Variants in CYB5B observed in about 807,000 individuals in gnomAD.
CYB5B encodes cytochrome b5 type B, also known as cytochrome b5 type B (outer mitochondrial membrane).
In CYB5B, 14 loss-of-function variants were observed where a neutral mutation model predicts 21.3. The ratio of observed to expected loss-of-function variants is 0.66; its 90% CI spans 0.43 to 1.03. The LOEUF (loss-of-function observed/expected upper bound fraction) is 1.03. CYB5B is among the 50% of genes least tolerant of loss of function. The probability of loss-of-function intolerance (pLI) is 0.00; values close to 1 mark genes in which losing one functional copy is unlikely to be tolerated. For synonymous variants in CYB5B, 69 were observed against 68.4 expected, an observed-to-expected ratio of 1.01 and a Z score of -0.04; for missense variants, 166 against 185.1, an observed-to-expected ratio of 0.90 and a Z score of 0.60.
At chr16:69,434,571 T>C (rs534227925) in intron 1 of CYB5B, among the ~76,000 whole-genome samples, 1 of 152,272 alleles carries the variant, frequency 6.6e-6, no homozygotes, top group East Asian at 1.9e-4. Context: ...ACCATTCTAA[T>C]GGGTGTGTGG....
intron 1 of CYB5B, among the ~76,000 whole-genome samples, chr16:69,433,125 A>G (rs540722913): frequency 1.3e-5 from 2 of 152,262 alleles, no homozygotes; most frequent in East Asian, 3.9e-4. Context: ...ACCGTACCCT[A>G]GGATCTGCCT....
intron 4 of CYB5B, among the ~76,000 whole-genome samples, chr16:69,460,047 G>A (rs1270649302): frequency 2.0e-5 from 3 of 151,966 alleles, no homozygotes; most frequent in Non-Finnish European, 4.4e-5. Context: ...TCAGGAGTTC[G>A]AGACCAGCCT....
chr16:69,434,128 A>T (rs1208145168), intron 1 of CYB5B, among the ~76,000 whole-genome samples: 1 of 152,202 alleles, frequency 6.6e-6, no homozygotes, highest in Non-Finnish European at 1.5e-5. Context: ...TATTTCTAAC[A>T]CTATAGTACG....
chr16:69,434,603 C>T (rs577309247), intron 1 of CYB5B, among the ~76,000 whole-genome samples: 7 of 152,194 alleles, frequency 4.6e-5, no homozygotes, highest in South Asian at 4.2e-4. Context: ...CTGTGGCTCA[C>T]GCCTGTAATC....
chr16:69,431,482 C>G (rs2014705724), intron 1 of CYB5B, among the ~76,000 whole-genome samples: 1 of 151,512 alleles, frequency 6.6e-6, no homozygotes, highest in African/African-American at 2.4e-5. Context: ...GTCTTAAAAA[C>G]AAAACAAAGC....
intron 1 of CYB5B, among the ~76,000 whole-genome samples, chr16:69,434,192 T>C (rs909733213): frequency 4.6e-5 from 7 of 152,232 alleles, no homozygotes; most frequent in Non-Finnish European, 8.8e-5. Flanking sequence ...TCATCTATTT[T>C]TTCTGTGTTA....
intron 1 of CYB5B, among the ~76,000 whole-genome samples, chr16:69,434,263 A>C (rs2014736294): frequency 6.6e-6 from 1 of 152,086 alleles, no homozygotes; most frequent in South Asian, 2.1e-4. Flanking sequence ...TTATCCATTC[A>C]CTTGTTGATT....
At chr16:69,426,968 A>G (rs1322624094) in intron 1 of CYB5B, among the ~76,000 whole-genome samples, 1 of 151,834 alleles carries the variant, frequency 6.6e-6, no homozygotes, top group Non-Finnish European at 1.5e-5. Flanking sequence ...GGCTGGGCGC[A>G]GTGACTCATG....
chr16:69,456,906 C>T (rs2014988882), intron 3 of CYB5B, among the ~76,000 whole-genome samples: 1 of 152,106 alleles, frequency 6.6e-6, no homozygotes, highest in Non-Finnish European at 1.5e-5. Flanking sequence ...AAGAGCTGTG[C>T]CTTCAACATC....
chr16:69,440,826 A>T (rs1324460234), intron 1 of CYB5B, among the ~76,000 whole-genome samples: 41 of 133,884 alleles, frequency 3.1e-4, no homozygotes, highest in African/African-American at 1.1e-3. Context: ...ATCTCATTTG[A>T]TTTTTTTTTT....
chr16:69,429,411 TGA>T (rs1331019684), intron 1 of CYB5B, among the ~76,000 whole-genome samples: 20 of 152,188 alleles, frequency 1.3e-4, no homozygotes, highest in Non-Finnish European at 2.4e-4. Context: ...TACAGAGTGC[TGA>T]TTGGTGCATT....
rs1206650189 is a variant in CYB5B at position 69,430,963 on chromosome 16, A to G, written c.174+6106A>G. 2.1e-5 allele frequency among the ~76,000 whole-genome samples: 3 copies of G among 143,024 alleles called. No homozygotes were observed. The East Asian group carries it at 6.3e-4, about 30-fold the overall frequency. 93.8% of individuals were successfully genotyped at this position (143,024 alleles called of 152,430 possible). ...GCTGGGATTACAGGTGTGAGCCACC[A>G]TGCCCAGCCCTATTTTAAAGCTTTA... On this transcript the variant is annotated intron_variant, in intron 1 of 4. Coordinates refer to ENST00000307892, the MANE Select transcript of CYB5B (RefSeq NM_030579.3).
intron 1 of CYB5B, among the ~76,000 whole-genome samples, chr16:69,441,652 C>A (rs530563093): frequency 1.3e-5 from 2 of 152,308 alleles, no homozygotes; most frequent in African/African-American, 4.8e-5. Context: ...TGTCTGCCAG[C>A]AGTTGATCTC....
chr16:69,448,201 C>G, intron 3 of CYB5B, 57 bp downstream of exon 3: 1 of 1,558,462 alleles, frequency 6.4e-7, no homozygotes, highest in Non-Finnish European at 8.8e-7. Flanking sequence ...AGTAGGACTG[C>G]TTTTTGAAAC....
intron 1 of CYB5B, among the ~76,000 whole-genome samples, chr16:69,445,437 T>C (rs1343871351): frequency 6.6e-6 from 1 of 152,220 alleles, no homozygotes; most frequent in East Asian, 1.9e-4. Flanking sequence ...ATACTTCAAT[T>C]GAATTAACAT....
intron 1 of CYB5B, among the ~76,000 whole-genome samples, chr16:69,438,296 C>T (rs545543532): frequency 4.3e-4 from 65 of 152,238 alleles, no homozygotes; most frequent in Non-Finnish European, 8.2e-4. Context: ...TGTATCTATT[C>T]ATCTGTTTAT....
intron 1 of CYB5B, among the ~76,000 whole-genome samples, chr16:69,431,721 G>T (rs376576389): frequency 2.6e-5 from 4 of 152,044 alleles, no homozygotes; most frequent in Non-Finnish European, 5.9e-5. Flanking sequence ...GCAGTGAGCC[G>T]AGATAGCACT....
chr16:69,452,897 G>T (rs2014950032), intron 3 of CYB5B, among the ~76,000 whole-genome samples: 1 of 151,710 alleles, frequency 6.6e-6, no homozygotes, highest in Admixed American at 6.6e-5. Context: ...TACTCGGGAG[G>T]CTGAGGCAGG....
intron 3 of CYB5B, among the ~76,000 whole-genome samples, chr16:69,450,400 C>T (rs2014921145): frequency 6.6e-6 from 1 of 152,142 alleles, no homozygotes; most frequent in African/African-American, 2.4e-5. Context: ...ATCCTGTTTT[C>T]CTCATGTCAC....
Sources: allele counts gnomAD v4.1 joint callset (sites outside exome capture counted in the v4.1 genomes callset), GRCh38; gene constraint gnomAD v4.1.1; transcripts MANE v1.5; gene names NCBI Gene and HGNC (gene_info 2026-07-23, HGNC 2026-07-21).